ELF1: variants seen among roughly 807,000 people sequenced by gnomAD.
ELF1 encodes the protein E74 like ETS transcription factor 1.
A neutral mutation model predicts 59.9 loss-of-function variants in ELF1; 24 were observed. That is an observed-to-expected ratio of 0.40 (90% confidence interval 0.29 to 0.56). ELF1 has a LOEUF of 0.56. ELF1 is among the 20% of genes least tolerant of loss of function. The pLI is 0.44. For synonymous variants in ELF1, 248 were observed against 266.2 expected, an observed-to-expected ratio of 0.93 and a Z score of 0.67; for missense variants, 627 against 742.2, an observed-to-expected ratio of 0.84 and a Z score of 1.80.
At chr13:40,969,527 G>T (rs1397830582) in intron 2 of ELF1, among the ~76,000 whole-genome samples, 1 of 152,190 alleles carries the variant, frequency 6.6e-6, no homozygotes. Context: ...CACGTGCAGG[G>T]CCTGGCAAGG....
At chr13:40,970,226 T>C (rs544163974) in intron 2 of ELF1, among the ~76,000 whole-genome samples, 13 of 152,316 alleles carry the variant, frequency 8.5e-5, no homozygotes, top group Admixed American at 2.6e-4. Context: ...TATCCTCTAG[T>C]TGATACTCTA....
intron 2 of ELF1, among the ~76,000 whole-genome samples, chr13:40,974,680 G>A (rs912686710): frequency 3.9e-5 from 6 of 152,074 alleles, no homozygotes; most frequent in Admixed American, 2.0e-4. Context: ...TTTTCAGGAC[G>A]TTATCCCTGG....
chr13:40,982,427 CT>C, intron 1 of ELF1, 145 bp from the exon 2 acceptor site: 1 of 402,082 alleles, frequency 2.5e-6, no homozygotes, highest in Non-Finnish European at 3.4e-6. Context: ...CACATACGCT[CT>C]TTTTTAAAAG....
intron 2 of ELF1, among the ~76,000 whole-genome samples, chr13:40,963,197 G>A (rs1023192748): frequency 6.6e-6 from 1 of 152,074 alleles, no homozygotes; most frequent in Admixed American, 6.5e-5. Flanking sequence ...CTGACTCCAG[G>A]GTCCATGTCC....
At chr13:40,935,026 C>T (rs1869671692) in intron 8 of ELF1, among the ~76,000 whole-genome samples, 1 of 152,134 alleles carries the variant, frequency 6.6e-6, no homozygotes, top group African/African-American at 2.4e-5. Flanking sequence ...AGCAGTTTTC[C>T]AGGTTCAAAT....
At chr13:41,044,713 T>C (rs1362353532) in intron 1 of ELF1, among the ~76,000 whole-genome samples, 2 of 152,232 alleles carry the variant, frequency 1.3e-5, no homozygotes, top group Non-Finnish European at 2.9e-5. Context: ...TTACTGAGGA[T>C]TTTTGCATCG....
chr13:40,933,091 T>C lies in ELF1; in HGVS notation c.*334A>G, dbSNP rs1016794482. ...TTCCTGTTGCCTTCTATTTAAGTTC[T>C]GTATTTACAAAAGAATCAGAAAATC... On this transcript the variant is annotated 3_prime_UTR_variant, in exon 9 of 9. Transcript: ENST00000239882. The C allele has an allele frequency of 5.0e-6, 1 of 201,194 alleles. No homozygotes were observed. Among genetic ancestry groups the C allele is most frequent in the African/African-American group, 2.3e-5 (1 of 42,966 alleles). The allele number at this position is 201,194 out of a possible 1,614,324, so 12.5% of individuals were successfully genotyped here.
At chr13:40,991,382 T>C (rs1275622531) in intron 1 of ELF1, among the ~76,000 whole-genome samples, 2 of 152,230 alleles carry the variant, frequency 1.3e-5, no homozygotes, top group African/African-American at 4.8e-5. Context: ...AATATAAAAC[T>C]ACTCTAAAAT....
At chr13:41,005,893 G>C (rs921457142) in intron 1 of ELF1, among the ~76,000 whole-genome samples, 1 of 152,140 alleles carries the variant, frequency 6.6e-6, no homozygotes, top group Non-Finnish European at 1.5e-5. Flanking sequence ...TGGGCAAAAT[G>C]CAGCTATCTT....
chr13:40,946,400 C>A (rs1179772221), intron 5 of ELF1, among the ~76,000 whole-genome samples: 1 of 152,172 alleles, frequency 6.6e-6, no homozygotes, highest in Non-Finnish European at 1.5e-5. Context: ...TTACATCTCG[C>A]CCTTCCTCAC....
chr13:41,018,222 T>C (rs1159875894), intron 1 of ELF1, among the ~76,000 whole-genome samples: 1 of 152,200 alleles, frequency 6.6e-6, no homozygotes, highest in Non-Finnish European at 1.5e-5. Flanking sequence ...AGAAATAAAA[T>C]ACTACTGCAC....
chr13:40,965,960 A>G (rs1872150933), intron 2 of ELF1, among the ~76,000 whole-genome samples: 1 of 152,186 alleles, frequency 6.6e-6, no homozygotes, highest in African/African-American at 2.4e-5. Flanking sequence ...TCCAATTTGC[A>G]TCCAGGCTTC....
At chr13:41,054,092 C>A (rs1877202617) in intron 1 of ELF1, among the ~76,000 whole-genome samples, 1 of 152,060 alleles carries the variant, frequency 6.6e-6, no homozygotes, top group Non-Finnish European at 1.5e-5. Flanking sequence ...GATAAATGAC[C>A]ATTTCACAAC....
At chr13:40,944,789 C>T (rs1870404540) in intron 5 of ELF1, among the ~76,000 whole-genome samples, 1 of 152,088 alleles carries the variant, frequency 6.6e-6, no homozygotes, top group Admixed American at 6.5e-5. Context: ...ATCCTTGAGG[C>T]TGCCGCTCTG....
At chr13:41,004,373 G>A (rs1257208291) in intron 1 of ELF1, among the ~76,000 whole-genome samples, 1 of 152,028 alleles carries the variant, frequency 6.6e-6, no homozygotes, top group African/African-American at 2.4e-5. Context: ...GATATTCTGG[G>A]AAGAATAAGC....
chr13:40,949,177 G>A (rs1005831482), intron 5 of ELF1, among the ~76,000 whole-genome samples: 2 of 151,746 alleles, frequency 1.3e-5, no homozygotes, highest in Non-Finnish European at 2.9e-5. Flanking sequence ...GTAGAGACGG[G>A]GTTTCACCTT....
At chr13:40,948,439 C>T (rs1046679880) in intron 5 of ELF1, among the ~76,000 whole-genome samples, 6 of 152,244 alleles carry the variant, frequency 3.9e-5, no homozygotes, top group African/African-American at 7.2e-5. Context: ...TGCCTCAACA[C>T]GGACAATAAA....
chr13:40,972,099 C>T (rs1872580753), intron 2 of ELF1, among the ~76,000 whole-genome samples: 1 of 151,986 alleles, frequency 6.6e-6, no homozygotes. Flanking sequence ...TTTAAAAAAT[C>T]ATAAAGGGCA....
intron 1 of ELF1, among the ~76,000 whole-genome samples, chr13:41,026,098 T>C (rs142397889): frequency 4.5e-4 from 69 of 152,312 alleles, no homozygotes; most frequent in African/African-American, 1.5e-3. Context: ...ATTATGCTTA[T>C]TGGACCTAAT....
Sources: gnomAD v4.1 joint callset for allele counts (sites outside exome capture counted in the v4.1 genomes callset) on GRCh38, gnomAD v4.1.1 for gene constraint, MANE v1.5 for transcripts, NCBI Gene and HGNC (gene_info 2026-07-23, HGNC 2026-07-21) for gene names.